The following CSNK1G2 variants were observed in gnomAD, a reference collection of about 807,000 sequenced individuals.
The protein encoded by CSNK1G2 is casein kinase 1 gamma 2, also known as casein kinase I isoform gamma-2.
Under a neutral mutation model 48.0 loss-of-function variants are expected in CSNK1G2, and 11 were observed. That is an observed-to-expected ratio of 0.23 (90% CI 0.14 to 0.38). The LOEUF (loss-of-function observed/expected upper bound fraction) is 0.38, where lower values mean the gene tolerates loss of function less well. CSNK1G2 is among the 10% of genes least tolerant of loss of function. The pLI is 1.00. For missense variants in CSNK1G2, 446 were observed against 595.5 expected (o/e 0.75, Z 2.61); for synonymous variants, 337 against 254.1 (o/e 1.33, Z -3.10).
intron 2 of CSNK1G2, among the ~76,000 whole-genome samples, chr19:1,976,543 A>G (rs112000387): frequency 1.3e-4 from 20 of 152,342 alleles, no homozygotes; most frequent in African/African-American, 4.8e-4. Flanking sequence ...ACGGGGCACT[A>G]GCCGGGGGAA....
intron 1 of CSNK1G2, among the ~76,000 whole-genome samples, chr19:1,966,681 G>A (rs976104826): frequency 4.6e-5 from 7 of 152,096 alleles, no homozygotes; most frequent in African/African-American, 1.7e-4. Flanking sequence ...AATCTTTCAT[G>A]AAAGGAAGAG....
chr19:1,956,533 C>T (rs11084922), intron 1 of CSNK1G2, among the ~76,000 whole-genome samples: 62,342 of 151,982 alleles, frequency 0.41, 15,274 homozygotes, highest in Non-Finnish European at 0.55. Flanking sequence ...CAAAAGACCA[C>T]GCATCCTAGC....
Position 1,981,177 on chromosome 19 carries a change from G to T in CSNK1G2, c.*974G>T, listed in dbSNP as rs935974008. On this transcript the variant is annotated 3_prime_UTR_variant, in exon 12 of 12. Coordinates refer to ENST00000255641, the MANE Select transcript of CSNK1G2 (RefSeq NM_001319.7). ...CAGTGGGGTGCCCTGGAGGCTGCCG[G>T]GCAGAGTGGAGCAGCTTGGGGCCGT... 1 of 152,312 alleles carries T rather than the reference G, an allele frequency of 6.6e-6. No individual in the cohort carries two copies. The highest frequency in any genetic ancestry group is 1.5e-5 in the Non-Finnish European group (1 of 68,130). The allele number at this position is 152,312 out of a possible 1,614,324, so 9.4% of individuals were successfully genotyped here.
chr19:1,979,550 C>T lies in CSNK1G2; in HGVS notation c.909C>T (p.Pro303=), dbSNP rs200803486. Residue 303 remains proline, a synonymous_variant, in exon 9 of 12, where the codon CCC becomes CCT. Transcript: ENST00000255641. ...GGCGCCTGGACTTCTTCGAGAAGCCCGACTATGACTACCTGCGGAAGCTCT... is the reference window on the plus strand; with the variant it reads ...GGCGCCTGGACTTCTTCGAGAAGCCTGACTATGACTACCTGCGGAAGCTCT... The part of the protein sequence containing the change: ...YVRRLDFFEK[P]DYDYLRKLFT... 9.9e-6 allele frequency: 16 copies of T among 1,608,890 alleles called. No individual in the cohort carries two copies. Among genetic ancestry groups the T allele is most frequent in the South Asian group, 9.9e-5 (9 of 91,062 alleles).
chr19:1,978,227 C>T lies in CSNK1G2; in HGVS notation c.188-78C>T, dbSNP rs2015827012. ...TCCTTCAGGGACCCCCTCCTGCCTC[C>T]TGCCTCGGGGGTGGGCTGGGGAGGT... On this transcript the variant is annotated intron_variant, in intron 2 of 11. Coordinates refer to ENST00000255641, the MANE Select transcript of CSNK1G2 (RefSeq NM_001319.7). This position sits in a 1 kb window ranked among gnomAD's most constrained non-coding sequence, Gnocchi z 7.3. The T allele has an allele frequency of 4.0e-6, 6 of 1,504,102 alleles. No homozygotes were observed. The African/African-American group carries it at 4.2e-5, about 10-fold the overall frequency. 93.2% of individuals were successfully genotyped at this position (1,504,102 alleles called of 1,614,324 possible).
intron 1 of CSNK1G2, among the ~76,000 whole-genome samples, chr19:1,964,314 CA>C (rs11303472): frequency 0.017 from 2,486 of 150,412 alleles, 89 homozygotes; most frequent in African/African-American, 0.059. Flanking sequence ...AAAAAAAAAC[CA>C]GGTTCAAGGT....
intron 1 of CSNK1G2, among the ~76,000 whole-genome samples, chr19:1,964,643 G>GT (rs2015307081): frequency 6.6e-6 from 1 of 152,076 alleles, no homozygotes; most frequent in Non-Finnish European, 1.5e-5. Context: ...CAGAGCCTGG[G>GT]TGACAGCACA....
chr19:1,967,821 G>T (rs12980326), intron 1 of CSNK1G2, among the ~76,000 whole-genome samples: 235 of 22,758 alleles, frequency 0.01, 6 homozygotes, highest in African/African-American at 0.085. Context: ...GGCTGCCCCC[G>T]ACCACCCTTC....
At chr19:1,970,293 G>A (rs1018477703) in intron 2 of CSNK1G2, among the ~76,000 whole-genome samples, 2 of 152,364 alleles carry the variant, frequency 1.3e-5, no homozygotes, top group South Asian at 2.1e-4. Flanking sequence ...CACGCTGGGC[G>A]AAGCCCCGGC....
At chr19:1,954,975 C>T (rs1351328166) in intron 1 of CSNK1G2, among the ~76,000 whole-genome samples, 1 of 152,138 alleles carries the variant, frequency 6.6e-6, no homozygotes, top group Non-Finnish European at 1.5e-5. Flanking sequence ...AGGCCCCCAA[C>T]CCCCAGGCCT....
chr19:1,975,588 G>A, intron 2 of CSNK1G2: 1 of 985,482 alleles, frequency 1.0e-6, no homozygotes, highest in South Asian at 4.7e-5. Flanking sequence ...CAGCCTTTTG[G>A]GCGGGGAAGG....
intron 1 of CSNK1G2, among the ~76,000 whole-genome samples, chr19:1,967,529 C>T (rs1031707547): frequency 3.3e-5 from 5 of 149,902 alleles, no homozygotes; most frequent in South Asian, 4.2e-4. Flanking sequence ...CAGGTGGCTG[C>T]GGTGGCTCCC....
chr19:1,971,522 C>T (rs2015569290), intron 2 of CSNK1G2, among the ~76,000 whole-genome samples: 1 of 152,254 alleles, frequency 6.6e-6, no homozygotes, highest in Non-Finnish European at 1.5e-5. Context: ...CACACGTGCC[C>T]ACAAATGCAC....
chr19:1,975,853 T>A (rs1428819754), intron 2 of CSNK1G2: 1 of 831,444 alleles, frequency 1.2e-6, no homozygotes, highest in Non-Finnish European at 1.4e-6. Flanking sequence ...CTGGACAACA[T>A]GGAGAAAGCC....
chr19:1,966,818 G>A (rs2015379025), intron 1 of CSNK1G2, among the ~76,000 whole-genome samples: 1 of 152,128 alleles, frequency 6.6e-6, no homozygotes. Flanking sequence ...GGAGATTAGG[G>A]CCACTCCCGG....
rs1052799599 is a variant in CSNK1G2, at chr19:1,980,528, G to A, written c.*325G>A. ...ACTCCTGCCCCTCCGTTTCTTTGCTGAAGTGAGTAGTGTGATCCTGGAGGC... is the reference window on the plus strand; with the variant it reads ...ACTCCTGCCCCTCCGTTTCTTTGCTAAAGTGAGTAGTGTGATCCTGGAGGC... On this transcript the variant is annotated 3_prime_UTR_variant, in exon 12 of 12. Transcript: ENST00000255641. The A allele has an allele frequency of 1.3e-5, 5 of 395,912 alleles. No homozygotes were observed. The East Asian group carries it at 2.8e-4, about 22-fold the overall frequency. The allele number at this position is 395,912 out of a possible 1,614,324, so 24.5% of individuals were successfully genotyped here. A position where few individuals can be genotyped will look rare whatever the true frequency, so the allele number is the denominator to read the frequency against.
chr19:1,953,485 G>A, intron 1 of CSNK1G2: 1 of 534,136 alleles, frequency 1.9e-6, no homozygotes, highest in Admixed American at 1.9e-5. Context: ...GTCCATGGCA[G>A]CCTTGCCTCC....
At chr19:1,973,582 T>A (rs1245326090) in intron 2 of CSNK1G2, among the ~76,000 whole-genome samples, 2 of 152,238 alleles carry the variant, frequency 1.3e-5, no homozygotes, top group African/African-American at 2.4e-5. Context: ...CCCTCAGCCC[T>A]GGCTGTTTTC....
rs1162725235 is a variant in CSNK1G2, at chr19:1,941,700, G to T, written c.-266+282G>T. Among the ~76,000 whole-genome samples, 4 of 146,484 alleles carry T rather than the reference G, an allele frequency of 2.7e-5. No homozygotes were observed. In the East Asian group the frequency reaches 8.0e-4, roughly 29 times the overall value. ...CCCGCGCTCAGGACCTCCGGACACA[G>T]CCCCACGCTGACCTCCACACTCAGG... is the stretch of plus-strand genomic sequence containing the variant. On this transcript the variant is annotated intron_variant, in intron 1 of 11. Coordinates refer to ENST00000255641, the MANE Select transcript of CSNK1G2 (RefSeq NM_001319.7).
Sources: gnomAD v4.1 joint callset for allele counts (sites outside exome capture counted in the v4.1 genomes callset) on GRCh38, gnomAD v4.1.1 for gene constraint, Gnocchi (gnomAD v3.1) non-coding constraint, MANE v1.5 for transcripts, NCBI Gene and HGNC (gene_info 2026-07-23, HGNC 2026-07-21) for gene names.